ZNF608: variants seen among roughly 807,000 people sequenced by gnomAD.
ZNF608 encodes zinc finger protein 608.
A neutral mutation model predicts 109.0 loss-of-function variants in ZNF608; 12 were observed. That is an observed-to-expected ratio of 0.11 (90% CI 0.07 to 0.18). The LOEUF is 0.18. Ranked by LOEUF, ZNF608 falls within the 10% of genes least tolerant of loss-of-function variation. The pLI is 1.00. For missense variants in ZNF608, 1,707 were observed against 1,879.3 expected (o/e 0.91, Z 1.70); for synonymous variants, 732 against 717.4 (o/e 1.02, Z -0.33).
At chr5:124,692,544 A>G (rs1752665695) in intron 3 of ZNF608, among the ~76,000 whole-genome samples, 1 of 152,236 alleles carries the variant, frequency 6.6e-6, no homozygotes, top group South Asian at 2.1e-4. Flanking sequence ...AGAAATTCCT[A>G]TCATTCCATG....
At chr5:124,664,133 T>C (rs1425829965) in intron 3 of ZNF608, among the ~76,000 whole-genome samples, 3 of 152,176 alleles carry the variant, frequency 2.0e-5, no homozygotes, top group African/African-American at 7.2e-5. Flanking sequence ...TCTTATATAA[T>C]GAACTTTCTT....
At chr5:124,723,195 T>C (rs1395875073) in intron 2 of ZNF608, among the ~76,000 whole-genome samples, 1 of 152,074 alleles carries the variant, frequency 6.6e-6, no homozygotes, top group East Asian at 1.9e-4. Context: ...CACTCCCAGC[T>C]ACAAGGTTTC....
At chr5:124,691,020 G>T (rs1202494048) in intron 3 of ZNF608, among the ~76,000 whole-genome samples, 1 of 151,508 alleles carries the variant, frequency 6.6e-6, no homozygotes, top group Non-Finnish European at 1.5e-5. Flanking sequence ...TGGGTTATTT[G>T]TTATTTGCTA....
intron 2 of ZNF608, among the ~76,000 whole-genome samples, chr5:124,706,679 T>TAAC (rs543316302): frequency 6.6e-6 from 1 of 152,138 alleles, no homozygotes; most frequent in Non-Finnish European, 1.5e-5. Flanking sequence ...GACACTGATG[T>TAAC]AACCTATTAG....
Position 124,647,214 on chromosome 5 carries a change from G to A in ZNF608, c.3170C>T (p.Ala1057Val). The A allele has an allele frequency of 6.2e-7, 1 of 1,614,210 alleles. No individual in the cohort carries two copies. Among genetic ancestry groups the A allele is most frequent in the South Asian group, 1.1e-5 (1 of 91,092 alleles). The stretch of plus-strand genomic sequence containing the variant: ...CGACTGGTGCTGAGGCTGTAAGGAT[G>A]CAGAATTGTGGTCCACTTTCTTAGA... The part of the protein sequence containing the change: ...LDSKKVDHNS[A>V]SLQPQHQSVI... Residue 1057 changes from alanine to valine, a missense_variant, in exon 5 of 10, where the codon GCA (alanine) becomes GTA (valine). Physicochemically the swap from Ala to Val is moderately conservative, Grantham distance 64. Coordinates refer to ENST00000513986, the MANE Select transcript of ZNF608 (RefSeq NM_020747.3).
intron 2 of ZNF608, among the ~76,000 whole-genome samples, chr5:124,722,702 T>G (rs552897312): frequency 6.6e-6 from 1 of 151,938 alleles, no homozygotes; most frequent in African/African-American, 2.4e-5. Flanking sequence ...GGAGAAGATA[T>G]CTTCAAATAA....
At chr5:124,735,618 G>T (rs1749109553) in intron 2 of ZNF608, among the ~76,000 whole-genome samples, 1 of 152,236 alleles carries the variant, frequency 6.6e-6, no homozygotes, top group African/African-American at 2.4e-5. Context: ...AAAGAAAGCA[G>T]ATTGTGGAGG....
intron 3 of ZNF608, among the ~76,000 whole-genome samples, chr5:124,676,902 C>A (rs1751967931): frequency 6.6e-6 from 1 of 152,066 alleles, no homozygotes; most frequent in African/African-American, 2.4e-5. Flanking sequence ...GGAATAAAAA[C>A]CACAAAATTC....
At chr5:124,643,266 T>C (rs978305482) in intron 7 of ZNF608, among the ~76,000 whole-genome samples, 1 of 152,174 alleles carries the variant, frequency 6.6e-6, no homozygotes, top group Admixed American at 6.5e-5. Context: ...TCCTCCTGGG[T>C]AAGCAAGGTA....
intron 4 of ZNF608, 34 bp downstream of exon 4, chr5:124,649,575 TG>T: frequency 2.0e-6 from 3 of 1,516,322 alleles, no homozygotes; most frequent in Non-Finnish European, 1.8e-6. Context: ...AAAGAGAGGA[TG>T]GGGAAGGAGA....
chr5:124,675,351 A>C (rs932359517), intron 3 of ZNF608, among the ~76,000 whole-genome samples: 10 of 152,244 alleles, frequency 6.6e-5, no homozygotes, highest in African/African-American at 1.7e-4. Flanking sequence ...TTGAAATATA[A>C]AGTCTTCTGG....
In ZNF608 at chr5:124,744,472, C is replaced by T; in HGVS notation, c.518G>A (p.Ser173Asn). 6.2e-7 allele frequency: 1 copy of T among 1,614,222 alleles called. No individual in the cohort carries two copies. The highest frequency in any genetic ancestry group is 8.5e-7 in the Non-Finnish European group (1 of 1,180,034). ...TGCCCCCGCGGTGGCGGCAGAGGTG[C>T]TGGTGCTGGTACTATTGCTGTTTGG... ...GNPNSNSTST[S>N]TSAATAGAGS... is the part of the protein sequence containing the mutation. Residue 173 changes from serine (S) to asparagine (N), a missense_variant, in exon 2 of 10, where the codon AGC becomes AAC. Physicochemically the swap from Ser to Asn is conservative, Grantham distance 46 (BLOSUM62 1). Coordinates refer to ENST00000513986, the MANE Select transcript of ZNF608 (RefSeq NM_020747.3). The surrounding 1 kb of genome is among the most constrained non-coding windows in gnomAD (Gnocchi z 4.5).
intron 2 of ZNF608, among the ~76,000 whole-genome samples, chr5:124,740,825 T>G (rs1749363044): frequency 1.3e-5 from 2 of 152,230 alleles, no homozygotes; most frequent in Non-Finnish European, 2.9e-5. Flanking sequence ...ACTTTTAGGA[T>G]TTTTGAGTTT....
chr5:124,722,937 C>T (rs1011488465), intron 2 of ZNF608, among the ~76,000 whole-genome samples: 2 of 151,938 alleles, frequency 1.3e-5, no homozygotes, highest in South Asian at 4.2e-4. Flanking sequence ...GAAATACGAC[C>T]CCCAAACCCA....
intron 3 of ZNF608, among the ~76,000 whole-genome samples, chr5:124,689,275 T>G (rs1000014558): frequency 1.3e-5 from 2 of 152,112 alleles, no homozygotes; most frequent in African/African-American, 4.8e-5. Flanking sequence ...AGCAAGACCC[T>G]GTCTCTAAAA....
At chr5:124,727,749 T>C (rs897934689) in intron 2 of ZNF608, among the ~76,000 whole-genome samples, 2 of 147,656 alleles carry the variant, frequency 1.4e-5, no homozygotes, top group Non-Finnish European at 3.0e-5. Flanking sequence ...TTTTTTTTTT[T>C]TTTTTTTAAG....
intron 3 of ZNF608, among the ~76,000 whole-genome samples, chr5:124,666,754 T>A (rs1751499613): frequency 7.1e-6 from 1 of 140,274 alleles, no homozygotes; most frequent in African/African-American, 2.8e-5. Flanking sequence ...TGTGTGTGTG[T>A]GTGTTTCATC....
intron 3 of ZNF608, 76 bp from the exon 4 acceptor site, chr5:124,649,773 T>C: frequency 2.1e-6 from 2 of 939,100 alleles, no homozygotes; most frequent in South Asian, 2.2e-5. Context: ...TATTATTTTT[T>C]TCTCTTTTTT....
chr5:124,701,389 T>C (rs1437558073), intron 2 of ZNF608, 120 bp from the exon 3 acceptor site: 1 of 1,309,510 alleles, frequency 7.6e-7, no homozygotes. Context: ...AATTATAATA[T>C]GCTTTGAGTG....
Sources: gnomAD v4.1 joint callset for allele counts (sites outside exome capture counted in the v4.1 genomes callset) on GRCh38, gnomAD v4.1.1 for gene constraint, Gnocchi (gnomAD v3.1) non-coding constraint, MANE v1.5 for transcripts, NCBI Gene and HGNC (gene_info 2026-07-23, HGNC 2026-07-21) for gene names.